TCF4: variants seen among roughly 807,000 people sequenced by gnomAD.
TCF4 encodes the protein transcription factor 4.
A neutral mutation model predicts 82.1 loss-of-function variants in TCF4; 3 were observed. The observed-to-expected ratio is 0.04, with a 90% CI of 0.02 to 0.09. The LOEUF (loss-of-function observed/expected upper bound fraction) is 0.09. Among genes scored for constraint, TCF4 ranks in the 10% least tolerant of loss-of-function variants. TCF4 has a pLI of 1.00. For synonymous variants in TCF4, 276 were observed against 309.6 expected (o/e 0.89, Z 1.14); for missense variants, 518 against 852.7 (o/e 0.61, Z 4.89).
intron 8 of TCF4, among the ~76,000 whole-genome samples, chr18:55,318,847 T>A (rs1392130970): frequency 6.6e-6 from 1 of 152,166 alleles, no homozygotes; most frequent in African/African-American, 2.4e-5. Context: ...TAGTTGCCAG[T>A]TCATAAAAGA....
intron 8 of TCF4, among the ~76,000 whole-genome samples, chr18:55,299,434 G>A (rs1007414150): frequency 1.3e-5 from 2 of 151,280 alleles, no homozygotes; most frequent in South Asian, 4.2e-4. Context: ...AAGCTTTCTT[G>A]GGGGAGCATG....
At chr18:55,436,533 T>A (rs1481651101) in intron 5 of TCF4, among the ~76,000 whole-genome samples, 1 of 152,228 alleles carries the variant, frequency 6.6e-6, no homozygotes, top group Non-Finnish European at 1.5e-5. Flanking sequence ...TCTCTCTGCA[T>A]CTTAATTTTC....
rs1419189472 is a variant in TCF4 at position 55,235,800 on chromosome 18, G to GA, written c.1351-1118dup. Reference sequence around the variant, plus strand: ...ATTAACCATACATTTATACTGCTATGAATCAGGTTTATTTTTTTTTCCAGT... The same window carrying GA: ...ATTAACCATACATTTATACTGCTATGAAATCAGGTTTATTTTTTTTTCCAGT... On this transcript the variant is annotated intron_variant, in intron 15 of 19. Transcript: ENST00000354452. Among the ~76,000 whole-genome samples the GA allele has an allele frequency of 3.6e-5, 5 of 139,322 alleles. No individual in the cohort carries two copies. In the East Asian group the frequency reaches 1.0e-3, roughly 29 times the overall value. The allele number at this position is 139,322 out of a possible 152,430, so 91.4% of individuals were successfully genotyped here. A position where few individuals can be genotyped will look rare whatever the true frequency, so the allele number is the denominator to read the frequency against.
At chr18:55,335,807 C>T (rs1051019121) in intron 8 of TCF4, among the ~76,000 whole-genome samples, 5 of 151,762 alleles carry the variant, frequency 3.3e-5, no homozygotes, top group African/African-American at 1.2e-4. Context: ...GATCAAAAGC[C>T]TAAAAAAAGG....
intron 8 of TCF4, among the ~76,000 whole-genome samples, chr18:55,344,529 G>A (rs950804423): frequency 6.6e-6 from 1 of 152,088 alleles, no homozygotes; most frequent in Admixed American, 6.6e-5. Context: ...AAATGATAAA[G>A]TTCAAAATAG....
intron 5 of TCF4, among the ~76,000 whole-genome samples, chr18:55,457,391 T>C (rs949501534): frequency 6.6e-6 from 1 of 152,250 alleles, no homozygotes; most frequent in East Asian, 1.9e-4. Context: ...TAACCACACA[T>C]GGGTGTTTTA....
intron 14 of TCF4, among the ~76,000 whole-genome samples, chr18:55,256,235 C>G (rs893165538): frequency 6.6e-6 from 1 of 152,166 alleles, no homozygotes; most frequent in African/African-American, 2.4e-5. Context: ...AGAATTCAAA[C>G]AGAATGGAAG....
chr18:55,509,512 C>G (rs1038403359), intron 3 of TCF4, among the ~76,000 whole-genome samples: 1 of 152,058 alleles, frequency 6.6e-6, no homozygotes, highest in South Asian at 2.1e-4. Flanking sequence ...GAATTATAAA[C>G]CAAATTGCGT....
At chr18:55,271,298 C>G (rs1015075143) in intron 10 of TCF4, among the ~76,000 whole-genome samples, 3 of 152,100 alleles carry the variant, frequency 2.0e-5, no homozygotes, top group Non-Finnish European at 2.9e-5. Flanking sequence ...TGTATTTTCA[C>G]CTGTATTGTA....
intron 5 of TCF4, among the ~76,000 whole-genome samples, chr18:55,412,648 C>T (rs919757003): frequency 1.3e-5 from 2 of 152,134 alleles, no homozygotes; most frequent in South Asian, 4.1e-4. Context: ...GGAGAAAATC[C>T]GGTCCTTTCC....
At chr18:55,623,366 T>C (rs991723252) in intron 2 of TCF4, among the ~76,000 whole-genome samples, 5 of 152,218 alleles carry the variant, frequency 3.3e-5, no homozygotes, top group African/African-American at 1.2e-4. Flanking sequence ...GCTTTAGCAT[T>C]ATGATCGTAG....
intron 5 of TCF4, among the ~76,000 whole-genome samples, chr18:55,406,390 G>C (rs1018376790): frequency 6.6e-6 from 1 of 151,318 alleles, no homozygotes; most frequent in African/African-American, 2.4e-5. Context: ...ATAAAATCGC[G>C]ATTCCTATCA....
In TCF4 at chr18:55,585,394, T is replaced by C. The variant is rs373926122; in HGVS notation, c.73-42A>G. The C allele has an allele frequency of 1.2e-4, 193 of 1,544,514 alleles. No individual in the cohort carries two copies. The African/African-American group carries it at 2.5e-3, about 20-fold the overall frequency. ...AATATTACAGTTGAAAAGAAGACAC[T>C]TGTGCCTTCAGAGCTCCTCAAAGAT... On this transcript the variant is annotated intron_variant, in intron 2 of 19. Coordinates refer to ENST00000354452, the MANE Select transcript of TCF4 (RefSeq NM_001083962.2).
chr18:55,627,533 G>A (rs936015033), intron 2 of TCF4, among the ~76,000 whole-genome samples: 4 of 152,140 alleles, frequency 2.6e-5, no homozygotes, highest in Admixed American at 6.5e-5. Flanking sequence ...GGAGGCCAAG[G>A]CGGGTGGATC....
intron 8 of TCF4, among the ~76,000 whole-genome samples, chr18:55,326,074 G>A (rs2076503187): frequency 1.3e-5 from 2 of 152,084 alleles, no homozygotes; most frequent in Admixed American, 1.3e-4. Context: ...AAGGCTCAAA[G>A]ATCCTTAGAT....
Position 55,406,807 on chromosome 18 carries a change from A to G in TCF4, c.305-3289T>C, listed in dbSNP as rs552639076. 2.6e-5 allele frequency among the ~76,000 whole-genome samples: 4 copies of G among 152,340 alleles called. No homozygotes were observed. In the South Asian group the frequency reaches 8.3e-4, roughly 32 times the overall value. On this transcript the variant is annotated intron_variant, in intron 5 of 19. Coordinates refer to ENST00000354452, the MANE Select transcript of TCF4 (RefSeq NM_001083962.2). ...AGATTCTATTTTTCCAATATTTAAA[A>G]GAGATAGCAGTGATGAACAAACCCG...
intron 3 of TCF4, among the ~76,000 whole-genome samples, chr18:55,481,355 C>T (rs530161700): frequency 6.6e-6 from 1 of 152,138 alleles, no homozygotes; most frequent in Non-Finnish European, 1.5e-5. Context: ...ACCACCACAT[C>T]AATGAAAACA....
chr18:55,260,572 T>C (rs1335400896), intron 12 of TCF4, among the ~76,000 whole-genome samples: 1 of 152,154 alleles, frequency 6.6e-6, no homozygotes, highest in East Asian at 1.9e-4. Flanking sequence ...CATTTATTTA[T>C]TTATTTGATG....
intron 3 of TCF4, among the ~76,000 whole-genome samples, chr18:55,503,959 C>T (rs1001702693): frequency 5.3e-5 from 8 of 152,064 alleles, no homozygotes; most frequent in Non-Finnish European, 8.8e-5. Flanking sequence ...CCTGTAGTCC[C>T]GCTACTGAGG....
Sources: gnomAD v4.1 joint callset for allele counts (sites outside exome capture counted in the v4.1 genomes callset) on GRCh38, gnomAD v4.1.1 for gene constraint, MANE v1.5 for transcripts, NCBI Gene and HGNC (gene_info 2026-07-23, HGNC 2026-07-21) for gene names.